GRIK4: variants seen among roughly 807,000 people sequenced by gnomAD.
The protein encoded by GRIK4 is glutamate receptor ionotropic, kainate 4.
A neutral mutation model predicts 104.9 loss-of-function variants in GRIK4; 40 were observed. That is an observed-to-expected ratio of 0.38 (90% CI 0.30 to 0.50). The LOEUF is 0.50. GRIK4 is among the 20% of genes least tolerant of loss of function. GRIK4 has a pLI of 0.93. For missense variants in GRIK4, 1,047 were observed against 1,308.1 expected (o/e 0.80, Z 3.08); for synonymous variants, 485 against 524.9 (o/e 0.92, Z 1.04).
At position 120,571,147 on chromosome 11, in the gene GRIK4, C is replaced by T. The variant is rs192772803; in HGVS notation, c.-159+59260C>T. Among the ~76,000 whole-genome samples, 11 of 152,240 alleles carry T rather than the reference C, an allele frequency of 7.2e-5. No individual in the cohort carries two copies. In the East Asian group the frequency reaches 1.9e-3, roughly 27 times the overall value. ...CTGTTTTCCTGGGACTTCCCTTGGC[C>T]CCCTCCTCCCTAGACTCCTTTTGCC... On this transcript the variant is annotated intron_variant, in intron 1 of 20. Coordinates refer to ENST00000527524, the MANE Select transcript of GRIK4 (RefSeq NM_014619.5).
intron 1 of GRIK4, among the ~76,000 whole-genome samples, chr11:120,579,165 G>C (rs1459340927): frequency 6.6e-6 from 1 of 152,182 alleles, no homozygotes; most frequent in East Asian, 1.9e-4. Context: ...CATGATGGTG[G>C]AGTGGGGACA....
chr11:120,714,429 C>T (rs560899606), intron 3 of GRIK4, among the ~76,000 whole-genome samples: 2 of 152,314 alleles, frequency 1.3e-5, no homozygotes, highest in African/African-American at 2.4e-5. Flanking sequence ...TATTGAACAC[C>T]TACTGTGTGC....
intron 1 of GRIK4, among the ~76,000 whole-genome samples, chr11:120,564,983 G>C (rs1394264339): frequency 8.7e-6 from 1 of 114,918 alleles, no homozygotes; most frequent in Non-Finnish European, 1.9e-5. Context: ...CTGCGGGGGG[G>C]TGGGGGGGGT....
intron 4 of GRIK4, among the ~76,000 whole-genome samples, 188 bp from the exon 5 acceptor site, chr11:120,815,190 T>G (rs1295878964): frequency 6.6e-6 from 1 of 152,214 alleles, no homozygotes; most frequent in Non-Finnish European, 1.5e-5. Context: ...CCAATAAAAC[T>G]GTCCTGGAGC....
intron 1 of GRIK4, among the ~76,000 whole-genome samples, chr11:120,528,632 C>T (rs116171285): frequency 0.014 from 2,156 of 152,250 alleles, 49 homozygotes; most frequent in African/African-American, 0.049. Flanking sequence ...TACAGTTCCA[C>T]GTGGCTGGGG....
intron 3 of GRIK4, among the ~76,000 whole-genome samples, chr11:120,730,314 C>A (rs570363407): frequency 6.6e-6 from 1 of 152,080 alleles, no homozygotes; most frequent in Non-Finnish European, 1.5e-5. Flanking sequence ...GGTGCAATTG[C>A]GCCACTGCAC....
At chr11:120,855,859 G>A (rs1445181307) in intron 8 of GRIK4, among the ~76,000 whole-genome samples, 10 of 152,206 alleles carry the variant, frequency 6.6e-5, no homozygotes, top group Admixed American at 2.0e-4. Context: ...CACCGCGCCC[G>A]GCCTATGGTG....
chr11:120,877,788 A>G (rs1954859427), intron 11 of GRIK4, among the ~76,000 whole-genome samples: 1 of 152,196 alleles, frequency 6.6e-6, no homozygotes, highest in South Asian at 2.1e-4. Flanking sequence ...TTAGGAGAAC[A>G]TGATGCTCAC....
intron 3 of GRIK4, among the ~76,000 whole-genome samples, chr11:120,749,981 G>A (rs908902148): frequency 1.3e-5 from 2 of 152,146 alleles, no homozygotes; most frequent in African/African-American, 4.8e-5. Context: ...AGGGAGAGAA[G>A]GCAGGCCAGC....
intron 1 of GRIK4, among the ~76,000 whole-genome samples, chr11:120,577,573 A>C (rs1948501884): frequency 6.6e-6 from 1 of 152,140 alleles, no homozygotes; most frequent in African/African-American, 2.4e-5. Context: ...CAGATCATTA[A>C]GATTTAATGG....
At position 120,907,305 on chromosome 11, in the gene GRIK4, G is replaced by A. The variant is rs548438316; in HGVS notation, c.1476+1812G>A. Reference sequence around the variant, plus strand: ...TGACTGGTAGGGTGACTTCAGAGACGGCGGTGTCAGTGCACAGCCATCTCC... The same window carrying A: ...TGACTGGTAGGGTGACTTCAGAGACAGCGGTGTCAGTGCACAGCCATCTCC... On this transcript the variant is annotated intron_variant, in intron 13 of 20. Transcript: ENST00000527524. Among the ~76,000 whole-genome samples the A allele has an allele frequency of 3.3e-5, 5 of 152,178 alleles. No homozygotes were observed. In the East Asian group the frequency reaches 9.7e-4, roughly 29 times the overall value.
At chr11:120,977,170 G>A (rs762619120) in intron 19 of GRIK4, among the ~76,000 whole-genome samples, 5 of 152,230 alleles carry the variant, frequency 3.3e-5, no homozygotes, top group Admixed American at 6.5e-5. Context: ...TGGGGAGAGC[G>A]TGATTCTATT....
intron 1 of GRIK4, among the ~76,000 whole-genome samples, chr11:120,550,857 A>G (rs1948132566): frequency 6.6e-6 from 1 of 152,126 alleles, no homozygotes; most frequent in Non-Finnish European, 1.5e-5. Context: ...CCGTTCTTTG[A>G]GGAGTACTGT....
chr11:120,637,911 G>T (rs1010743640), intron 1 of GRIK4, among the ~76,000 whole-genome samples: 1 of 151,828 alleles, frequency 6.6e-6, no homozygotes, highest in African/African-American at 2.4e-5. Context: ...AGGGAGTCTC[G>T]CTCTGTCATC....
intron 3 of GRIK4, among the ~76,000 whole-genome samples, chr11:120,706,813 C>G (rs1235539508): frequency 6.6e-6 from 1 of 152,142 alleles, no homozygotes; most frequent in East Asian, 1.9e-4. Flanking sequence ...CAGCAGGCCT[C>G]CTAATTTCAG....
At chr11:120,861,806 AC>A (rs1215329787) in intron 8 of GRIK4, among the ~76,000 whole-genome samples, 152 bp from the exon 9 acceptor site, 1 of 152,052 alleles carries the variant, frequency 6.6e-6, no homozygotes, top group African/African-American at 2.4e-5. Flanking sequence ...TCCCAGAAAA[AC>A]TGCTCTCATT....
chr11:120,761,071 A>G (rs866597215), intron 3 of GRIK4, among the ~76,000 whole-genome samples: 5 of 152,308 alleles, frequency 3.3e-5, no homozygotes, highest in Admixed American at 1.3e-4. Context: ...CCAACAGTGT[A>G]AAAACGTTCC....
intron 1 of GRIK4, among the ~76,000 whole-genome samples, chr11:120,536,224 A>G (rs1026178278): frequency 3.3e-5 from 5 of 152,364 alleles, no homozygotes; most frequent in African/African-American, 1.2e-4. Context: ...GAAAGAGTGT[A>G]TGAAGCAGAT....
intron 1 of GRIK4, among the ~76,000 whole-genome samples, chr11:120,519,881 T>TG (rs1947775876): frequency 9.5e-5 from 3 of 31,496 alleles, no homozygotes; most frequent in African/African-American, 1.5e-4. Flanking sequence ...TTTTTTTTTG[T>TG]TTTTTTTTTT....
Sources: gnomAD v4.1 joint callset for allele counts (sites outside exome capture counted in the v4.1 genomes callset) on GRCh38, gnomAD v4.1.1 for gene constraint, MANE v1.5 for transcripts, NCBI Gene and HGNC (gene_info 2026-07-23, HGNC 2026-07-21) for gene names.